The following DCAF6 variants were observed in gnomAD, a reference collection of about 807,000 sequenced individuals.
DCAF6 encodes DDB1- and CUL4-associated factor 6.
Under a neutral mutation model 125.1 loss-of-function variants are expected in DCAF6, and 54 were observed. The observed-to-expected ratio is 0.43, with a 90% CI of 0.35 to 0.54. The LOEUF is 0.54. Ranked by LOEUF, DCAF6 falls within the 20% of genes least tolerant of loss-of-function variation. The probability of loss-of-function intolerance (pLI) is 0.01; values close to 1 mark genes in which losing one functional copy is unlikely to be tolerated. For missense variants in DCAF6, 934 were observed against 1,161.7 expected (o/e 0.80, Z 2.85); for synonymous variants, 371 against 390.4 (o/e 0.95, Z 0.58).
At chr1:167,898,500 T>G in the DCAF6 span, among the ~76,000 whole-genome samples, 1 of 151,778 alleles carries the variant, frequency 6.6e-6, no homozygotes, top group Non-Finnish European at 1.5e-5. Context: ...CTCGGAAGGT[T>G]GAGGCAGGGA....
intron 4 of DCAF6, among the ~76,000 whole-genome samples, chr1:167,978,879 A>G (rs1678652135): frequency 6.6e-6 from 1 of 151,382 alleles, no homozygotes; most frequent in Non-Finnish European, 1.5e-5. Context: ...CTTGTCTAGA[A>G]CTCCTGGGCT....
the DCAF6 span, among the ~76,000 whole-genome samples, chr1:167,882,410 G>A: frequency 3.3e-5 from 5 of 151,460 alleles, no homozygotes; most frequent in Admixed American, 6.6e-5. Flanking sequence ...GCTTGAACCC[G>A]GGAGGCGGAG....
At chr1:168,066,086 C>A (rs1692290415) in intron 19 of DCAF6, among the ~76,000 whole-genome samples, 1 of 152,118 alleles carries the variant, frequency 6.6e-6, no homozygotes, top group Non-Finnish European at 1.5e-5. Flanking sequence ...TTTATCAGAA[C>A]AAAAGAGCAT....
chr1:167,936,110 C>T, upstream of DCAF6: 1 of 529,886 alleles, frequency 1.9e-6, no homozygotes. Flanking sequence ...GCCATGGCAA[C>T]AGGTGCCAAA....
chr1:167,935,211 T>C (rs188248883), upstream of DCAF6, among the ~76,000 whole-genome samples: 13 of 152,234 alleles, frequency 8.5e-5, no homozygotes, highest in Admixed American at 7.2e-4. Flanking sequence ...ACCTATGGGA[T>C]GAGAAATGAC....
At chr1:167,893,021 G>A in the DCAF6 span, among the ~76,000 whole-genome samples, 1 of 152,116 alleles carries the variant, frequency 6.6e-6, no homozygotes, top group Admixed American at 6.5e-5. Context: ...CAGAGTGACT[G>A]GCATATGGTG....
At chr1:167,940,457 G>C (rs944581813) in intron 1 of DCAF6, among the ~76,000 whole-genome samples, 1 of 152,094 alleles carries the variant, frequency 6.6e-6, no homozygotes, top group African/African-American at 2.4e-5. Flanking sequence ...GCTCACTGCA[G>C]CCTCCACGTC....
chr1:167,996,835 C>T (rs974334578), intron 7 of DCAF6, among the ~76,000 whole-genome samples: 2 of 152,080 alleles, frequency 1.3e-5, no homozygotes, highest in Admixed American at 1.3e-4. Context: ...ATTTTTTCTT[C>T]CCTGTGTATT....
At chr1:167,902,900 T>C in the DCAF6 span, among the ~76,000 whole-genome samples, 6 of 152,250 alleles carry the variant, frequency 3.9e-5, no homozygotes, top group Admixed American at 1.3e-4. Flanking sequence ...AAATCATTTA[T>C]CTACTCATAC....
chr1:167,893,803 G>A, the DCAF6 span: 2 of 1,244,184 alleles, frequency 1.6e-6, no homozygotes, highest in East Asian at 2.5e-5. Context: ...AATTCCAGCT[G>A]TCCAGATCCC....
chr1:167,953,518 A>G (rs1571637629), intron 2 of DCAF6, among the ~76,000 whole-genome samples: 2 of 152,356 alleles, frequency 1.3e-5, no homozygotes, highest in South Asian at 2.1e-4. Context: ...TAAATTTACT[A>G]TCAACAGGAA....
At chr1:168,002,392 A>T in intron 7 of DCAF6, 90 bp from the exon 8 acceptor site, 1 of 1,105,802 alleles carries the variant, frequency 9.0e-7, no homozygotes, top group Non-Finnish European at 1.4e-6. Flanking sequence ...AAGTAGGGAG[A>T]TGGAAATAAA....
chr1:167,980,256 A>G (rs1678900577), intron 4 of DCAF6, among the ~76,000 whole-genome samples: 1 of 152,208 alleles, frequency 6.6e-6, no homozygotes. Context: ...CTCCTTGGCT[A>G]TTGTGAATAA....
At chr1:168,060,169 G>A (rs1047842443) in intron 17 of DCAF6, among the ~76,000 whole-genome samples, 5 of 151,962 alleles carry the variant, frequency 3.3e-5, no homozygotes, top group East Asian at 3.9e-4. Context: ...TAATTGGCCC[G>A]TAGATATTTT....
chr1:168,035,136 A>G (rs1287718035), intron 12 of DCAF6, among the ~76,000 whole-genome samples: 1 of 152,164 alleles, frequency 6.6e-6, no homozygotes, highest in East Asian at 1.9e-4. Flanking sequence ...AAACCTTGGA[A>G]TATATACTGT....
chr1:168,022,366 C>T (rs1031898133), intron 11 of DCAF6, among the ~76,000 whole-genome samples: 1 of 152,220 alleles, frequency 6.6e-6, no homozygotes, highest in Non-Finnish European at 1.5e-5. Flanking sequence ...TTTCCTTTCC[C>T]TACCAGGTAA....
At chr1:167,893,956 G>C in the DCAF6 span, 33 of 1,600,784 alleles carry the variant, frequency 2.1e-5, no homozygotes, top group Non-Finnish European at 2.8e-5. Flanking sequence ...GAAGGCAGAA[G>C]GAGGGTGCAG....
chr1:167,995,151 G>A (rs2103028992), intron 7 of DCAF6, among the ~76,000 whole-genome samples: 1 of 152,158 alleles, frequency 6.6e-6, no homozygotes, highest in East Asian at 1.9e-4. Flanking sequence ...AAATACATGG[G>A]TAAGTAAAGT....
At chr1:167,908,857 G>A in the DCAF6 span, among the ~76,000 whole-genome samples, 1 of 152,266 alleles carries the variant, frequency 6.6e-6, no homozygotes, top group Non-Finnish European at 1.5e-5. Flanking sequence ...GCATAAGCAC[G>A]AGGTGCTAAA....
Sources: gnomAD v4.1 joint callset for allele counts (sites outside exome capture counted in the v4.1 genomes callset) on GRCh38, gnomAD v4.1.1 for gene constraint, MANE v1.5 for transcripts, NCBI Gene and HGNC (gene_info 2026-07-23, HGNC 2026-07-21) for gene names.